GRID1: variants seen among roughly 807,000 people sequenced by gnomAD.
The protein encoded by GRID1 is glutamate receptor ionotropic, delta-1.
A neutral mutation model predicts 98.0 loss-of-function variants in GRID1; 28 were observed. The observed-to-expected ratio is 0.29, with a 90% CI of 0.21 to 0.39. The LOEUF is 0.39. GRID1 is among the 10% of genes least tolerant of loss of function. The probability of loss-of-function intolerance (pLI) is 1.00; values close to 1 mark genes in which losing one functional copy is unlikely to be tolerated. For missense variants in GRID1, 1,111 were observed against 1,340.5 expected (o/e 0.83, Z 2.67); for synonymous variants, 553 against 538.5 (o/e 1.03, Z -0.37).
At chr10:86,348,891 A>C (rs914396188) in intron 2 of GRID1, among the ~76,000 whole-genome samples, 6 of 152,244 alleles carry the variant, frequency 3.9e-5, no homozygotes, top group African/African-American at 7.2e-5. Flanking sequence ...GGCTGCACTC[A>C]TGCAGGCTTC....
intron 2 of GRID1, among the ~76,000 whole-genome samples, chr10:86,273,499 C>T (rs80288088): frequency 0.51 from 75,695 of 149,092 alleles, 22,890 homozygotes; most frequent in Non-Finnish European, 0.67. Context: ...CTGACTTCCA[C>T]AATGGTTGAA....
At chr10:86,081,100 A>C (rs1263258946) in intron 4 of GRID1, among the ~76,000 whole-genome samples, 1 of 152,192 alleles carries the variant, frequency 6.6e-6, no homozygotes, top group Non-Finnish European at 1.5e-5. Flanking sequence ...GAAGAGCTGC[A>C]GTGGAAACAG....
At chr10:85,861,002 G>A (rs935016484) in intron 6 of GRID1, among the ~76,000 whole-genome samples, 1 of 152,144 alleles carries the variant, frequency 6.6e-6, no homozygotes, top group Admixed American at 6.5e-5. Flanking sequence ...ATCTTTAGAG[G>A]GAGCAGAGAC....
At chr10:85,884,103 G>A (rs1429239021) in intron 5 of GRID1, among the ~76,000 whole-genome samples, 2 of 152,134 alleles carry the variant, frequency 1.3e-5, no homozygotes, top group Admixed American at 1.3e-4. Context: ...ACATATTGCT[G>A]GGAGTTCCTA....
chr10:85,851,885 C>T (rs1232732821), intron 8 of GRID1, among the ~76,000 whole-genome samples: 2 of 152,042 alleles, frequency 1.3e-5, no homozygotes, highest in African/African-American at 4.8e-5. Context: ...TGCCACCCAT[C>T]CTCAATTTTT....
chr10:86,365,993 C>T lies in GRID1; in HGVS notation c.79+321G>A, dbSNP rs1202754306. 2.6e-5 allele frequency among the ~76,000 whole-genome samples: 4 copies of T among 152,164 alleles called. No individual in the cohort carries two copies. Among genetic ancestry groups the T allele is most frequent in the Non-Finnish European group, 2.9e-5 (2 of 68,018 alleles). ...GCTCTGAGCTGCGCAGAAGGGCCCT[C>T]CCGACCCGCCGACGGCCCCGCTAAG... On this transcript the variant is annotated intron_variant, in intron 1 of 15. Coordinates refer to ENST00000327946, the MANE Select transcript of GRID1 (RefSeq NM_017551.3). The surrounding 1 kb of genome is among the most constrained non-coding windows in gnomAD (Gnocchi z 4.8).
At chr10:85,796,582 G>A (rs920416812) in intron 8 of GRID1, among the ~76,000 whole-genome samples, 11 of 151,960 alleles carry the variant, frequency 7.2e-5, no homozygotes, top group Non-Finnish European at 4.4e-5. Context: ...GAAAAACAGC[G>A]TGAATATATA....
At chr10:85,701,009 T>G (rs562992311) in intron 12 of GRID1, among the ~76,000 whole-genome samples, 4 of 152,190 alleles carry the variant, frequency 2.6e-5, no homozygotes, top group Admixed American at 2.0e-4. Flanking sequence ...GAACAGATAT[T>G]CATCCTTACT....
At chr10:86,289,296 C>G (rs911584897) in intron 2 of GRID1, among the ~76,000 whole-genome samples, 2 of 152,180 alleles carry the variant, frequency 1.3e-5, no homozygotes, top group African/African-American at 4.8e-5. Context: ...GGGGAAGGGC[C>G]TGGAGACCAC....
chr10:86,234,464 T>C (rs1284703792), intron 2 of GRID1, among the ~76,000 whole-genome samples: 1 of 152,204 alleles, frequency 6.6e-6, no homozygotes, highest in Non-Finnish European at 1.5e-5. Flanking sequence ...ACTCATCGGC[T>C]CCTTAGTAAC....
At chr10:85,722,155 T>A (rs1311994709) in intron 12 of GRID1, among the ~76,000 whole-genome samples, 1 of 152,198 alleles carries the variant, frequency 6.6e-6, no homozygotes, top group African/African-American at 2.4e-5. Context: ...AGAGGCTGGT[T>A]GAGTATGGAC....
intron 10 of GRID1, among the ~76,000 whole-genome samples, chr10:85,726,283 G>A (rs1435359739): frequency 1.3e-5 from 2 of 151,822 alleles, no homozygotes; most frequent in African/African-American, 4.8e-5. Context: ...GGTAGCTCAA[G>A]AAGAAAGGTA....
chr10:85,778,763 C>T (rs1459009426), intron 8 of GRID1, among the ~76,000 whole-genome samples: 1 of 152,204 alleles, frequency 6.6e-6, no homozygotes, highest in Non-Finnish European at 1.5e-5. Flanking sequence ...GAGCCAGCTT[C>T]CTGAACACCC....
intron 5 of GRID1, among the ~76,000 whole-genome samples, chr10:85,904,284 T>C (rs1841429294): frequency 6.6e-6 from 1 of 152,178 alleles, no homozygotes; most frequent in Admixed American, 6.5e-5. Context: ...AAATAGGCAA[T>C]GAAGAATAGC....
chr10:86,267,806 G>A (rs188198637), intron 2 of GRID1, among the ~76,000 whole-genome samples: 2 of 152,274 alleles, frequency 1.3e-5, no homozygotes, highest in African/African-American at 2.4e-5. Context: ...CAGAGACACA[G>A]GCCACTAGCC....
intron 8 of GRID1, among the ~76,000 whole-genome samples, chr10:85,785,139 A>G (rs931992304): frequency 2.6e-5 from 4 of 152,334 alleles, no homozygotes; most frequent in Non-Finnish European, 5.9e-5. Context: ...CACCCTAGCA[A>G]TCAGGAACAC....
At chr10:86,090,446 C>T (rs998988386) in intron 4 of GRID1, among the ~76,000 whole-genome samples, 2 of 151,202 alleles carry the variant, frequency 1.3e-5, no homozygotes, top group African/African-American at 4.9e-5. Flanking sequence ...TAATAATATA[C>T]ATTACCCAGT....
At chr10:86,203,717 C>A (rs1845986870) in intron 3 of GRID1, among the ~76,000 whole-genome samples, 1 of 151,730 alleles carries the variant, frequency 6.6e-6, no homozygotes, top group Non-Finnish European at 1.5e-5. Context: ...ATGAGCACAC[C>A]ACTCTGACGC....
intron 8 of GRID1, among the ~76,000 whole-genome samples, chr10:85,755,108 G>A (rs1251980783): frequency 6.6e-6 from 1 of 152,086 alleles, no homozygotes; most frequent in Non-Finnish European, 1.5e-5. Context: ...TATGAAGCCT[G>A]TTTTGGCCGG....
Sources: allele counts gnomAD v4.1 joint callset (sites outside exome capture counted in the v4.1 genomes callset), GRCh38; gene constraint gnomAD v4.1.1; non-coding constraint Gnocchi (gnomAD v3.1); transcripts MANE v1.5; gene names NCBI Gene and HGNC (gene_info 2026-07-23, HGNC 2026-07-21).